SYCP1: variants seen among roughly 807,000 people sequenced by gnomAD.
SYCP1 encodes the protein cancer/testis antigen 8.
SYCP1 carries 64 observed loss-of-function variants against 153.1 expected under a neutral mutation model. The observed-to-expected ratio is 0.42, with a 90% confidence interval of 0.34 to 0.51. The LOEUF (loss-of-function observed/expected upper bound fraction) is 0.51. Ranked by LOEUF, SYCP1 falls within the 20% of genes least tolerant of loss-of-function variation. The probability of loss-of-function intolerance (pLI) is 0.06; values close to 1 mark genes in which losing one functional copy is unlikely to be tolerated. For missense variants in SYCP1, 997 were observed against 1,049.0 expected (o/e 0.95, Z 0.68); for synonymous variants, 384 against 341.8 (o/e 1.12, Z -1.36).
chr1:114,957,961 A>G (rs916239001), intron 27 of SYCP1, among the ~76,000 whole-genome samples: 3 of 152,242 alleles, frequency 2.0e-5, no homozygotes, highest in Non-Finnish European at 2.9e-5. Context: ...GGAAATCAGC[A>G]TATTGAAGAG....
intron 27 of SYCP1, among the ~76,000 whole-genome samples, chr1:114,976,480 G>C (rs1310703994): frequency 1.3e-5 from 2 of 151,748 alleles, no homozygotes; most frequent in African/African-American, 4.8e-5. Flanking sequence ...TATTATATTA[G>C]AAGAGACTTT....
At chr1:114,988,616 A>G (rs1032530918) in intron 30 of SYCP1, among the ~76,000 whole-genome samples, 1 of 152,050 alleles carries the variant, frequency 6.6e-6, no homozygotes, top group African/African-American at 2.4e-5. Context: ...AACAAAAGCC[A>G]TAAAGAGTCT....
intron 2 of SYCP1, among the ~76,000 whole-genome samples, chr1:114,855,794 G>C (rs1309199140): frequency 6.6e-6 from 1 of 152,130 alleles, no homozygotes; most frequent in Non-Finnish European, 1.5e-5. Flanking sequence ...TGCATACATA[G>C]TGGAACGTGC....
chr1:114,886,178 T>G lies in SYCP1; in HGVS notation c.1059T>G (p.Cys353Trp), dbSNP rs942739911. Residue 353 changes from cysteine to tryptophan, a missense_variant, in exon 14 of 32, where the codon TGT becomes TGG. Cys to Trp is a radical substitution (Grantham distance 215, BLOSUM62 -2). This residue lies in a region of SYCP1 where 712 missense variants were observed against 682.9 expected (regional missense o/e 1.04). Transcript: ENST00000369522. ...EDLQIATKTICQLTEEKETQM... is the reference protein window; with the variant it reads ...EDLQIATKTIWQLTEEKETQM... ...TACAGATAGCAACAAAAACAATTTG[T>G]CAGCTAACTGAAGAAAAAGAAACTC... The G allele has an allele frequency of 7.4e-6, 12 of 1,611,560 alleles. No homozygotes were observed. The African/African-American group carries it at 1.5e-4, about 20-fold the overall frequency.
At chr1:114,871,577 GT>G (rs1665130058) in intron 8 of SYCP1, among the ~76,000 whole-genome samples, 1 of 151,684 alleles carries the variant, frequency 6.6e-6, no homozygotes. Flanking sequence ...TTGTTTGTCT[GT>G]TTTTTGTTTT....
At chr1:114,898,629 T>C (rs1056746008) in intron 16 of SYCP1, among the ~76,000 whole-genome samples, 2 of 152,178 alleles carry the variant, frequency 1.3e-5, no homozygotes, top group Non-Finnish European at 2.9e-5. Context: ...TATGATAAAT[T>C]TTGAAACATA....
intron 1 of SYCP1, 67 bp from the exon 2 acceptor site, chr1:114,855,373 AC>A (rs1663864648): frequency 1.2e-6 from 1 of 866,692 alleles, no homozygotes; most frequent in Non-Finnish European, 1.8e-6. Context: ...TTTAAAGAAT[AC>A]ATAGTGTATT....
chr1:114,933,347 A>G (rs867635794), intron 23 of SYCP1, among the ~76,000 whole-genome samples: 1 of 152,226 alleles, frequency 6.6e-6, no homozygotes, highest in Non-Finnish European at 1.5e-5. Context: ...GACTGTTAGA[A>G]GAAAAGCTAA....
At chr1:114,983,401 C>A (rs1570915591) in intron 29 of SYCP1, among the ~76,000 whole-genome samples, 1 of 151,868 alleles carries the variant, frequency 6.6e-6, no homozygotes, top group South Asian at 2.1e-4. Flanking sequence ...CAAATTCTGC[C>A]CCCTACTTCA....
intron 15 of SYCP1, among the ~76,000 whole-genome samples, chr1:114,893,443 ATGTC>A (rs1240451991): frequency 3.3e-5 from 5 of 152,196 alleles, no homozygotes; most frequent in African/African-American, 1.2e-4. Flanking sequence ...ATCTTTAAAT[ATGTC>A]TGTTTTGCTA....
intron 23 of SYCP1, among the ~76,000 whole-genome samples, chr1:114,931,351 A>G (rs1319834309): frequency 6.6e-6 from 1 of 152,110 alleles, no homozygotes; most frequent in Admixed American, 6.6e-5. Flanking sequence ...GGTTTCTACA[A>G]AGTCACTACA....
At chr1:114,938,160 A>G (rs1476001313) in intron 23 of SYCP1, among the ~76,000 whole-genome samples, 1 of 152,162 alleles carries the variant, frequency 6.6e-6, no homozygotes, top group African/African-American at 2.4e-5. Context: ...ATGTCCATCA[A>G]TGATAGACTG....
chr1:114,965,792 T>A (rs181216989), intron 27 of SYCP1, among the ~76,000 whole-genome samples: 83 of 152,328 alleles, frequency 5.4e-4, no homozygotes, highest in Non-Finnish European at 6.8e-4. Context: ...ATCAGGGATA[T>A]TGGCCTGAAA....
intron 12 of SYCP1, among the ~76,000 whole-genome samples, chr1:114,884,676 T>G (rs2101538714): frequency 6.6e-6 from 1 of 152,352 alleles, no homozygotes; most frequent in South Asian, 2.1e-4. Flanking sequence ...ACACTGTGCT[T>G]AAGCATTTTA....
At chr1:114,955,636 A>G (rs11585572) in intron 27 of SYCP1, among the ~76,000 whole-genome samples, 5,967 of 152,294 alleles carry the variant, frequency 0.039, 175 homozygotes, top group Non-Finnish European at 0.054. Context: ...CCTCAAAACA[A>G]CAAGAATTCT....
Position 114,864,913 on chromosome 1 carries a change from G to A in SYCP1, c.598+4104G>A, listed in dbSNP as rs570900540. Among the ~76,000 whole-genome samples the A allele has an allele frequency of 1.3e-3, 191 of 152,058 alleles. 2 individuals are homozygous for A. The highest frequency in any genetic ancestry group is 4.4e-3 in the African/African-American group (182 of 41,464). On this transcript the variant is annotated intron_variant, in intron 8 of 31. Coordinates refer to ENST00000369522, the MANE Select transcript of SYCP1 (RefSeq NM_003176.4). The stretch of plus-strand genomic sequence containing the variant: ...GTTTTAGGGTACATGTGCACAATGT[G>A]CAGGTTAGTTACATATGTATACATG...
rs1674190546 is a variant in SYCP1, at chr1:114,995,037, A to G, written c.*18A>G. 1 of 1,580,482 alleles carries G rather than the reference A, an allele frequency of 6.3e-7. No individual in the cohort carries two copies. Among genetic ancestry groups the G allele is most frequent in the Non-Finnish European group, 8.6e-7 (1 of 1,167,570 alleles). ...TTGTTTAATTTCAGAGAATCAGTGT[A>G]GTTAAGGAGCCTAATAACGTGAAAC... On this transcript the variant is annotated 3_prime_UTR_variant, in exon 32 of 32. Transcript: ENST00000369522.
At chr1:114,968,793 T>G (rs1014411021) in intron 27 of SYCP1, among the ~76,000 whole-genome samples, 32 of 152,178 alleles carry the variant, frequency 2.1e-4, no homozygotes, top group Admixed American at 1.8e-3. Flanking sequence ...TTTGCACTGG[T>G]TTTTCCTCAT....
At chr1:114,989,568 G>A (rs751897659) in intron 30 of SYCP1, among the ~76,000 whole-genome samples, 4 of 151,820 alleles carry the variant, frequency 2.6e-5, no homozygotes, top group Non-Finnish European at 5.9e-5. Flanking sequence ...GATATAGATT[G>A]GCAGAATATA....
Sources: gnomAD v4.1 joint callset for allele counts (sites outside exome capture counted in the v4.1 genomes callset) on GRCh38, gnomAD v4.1.1 for gene constraint, gnomAD v4.1.1 regional missense constraint, MANE v1.5 for transcripts, NCBI Gene and HGNC (gene_info 2026-07-23, HGNC 2026-07-21) for gene names.